PLA2G6: variants seen among roughly 807,000 people sequenced by gnomAD.
PLA2G6 encodes 85/88 kDa calcium-independent phospholipase A2.
Under a neutral mutation model 83.8 loss-of-function variants are expected in PLA2G6, and 62 were observed. That is an observed-to-expected ratio of 0.74 (90% CI 0.60 to 0.91). PLA2G6 has a LOEUF of 0.91. Among genes scored for constraint, PLA2G6 ranks in the 40% least tolerant of loss-of-function variants. The pLI is 0.00. For synonymous variants in PLA2G6, 417 were observed against 449.8 expected (o/e 0.93, Z 0.92); for missense variants, 944 against 1,102.0 (o/e 0.86, Z 2.03).
chr22:38,158,169 T>TC (rs1491260401), intron 2 of PLA2G6, among the ~76,000 whole-genome samples: 1 of 150,988 alleles, frequency 6.6e-6, no homozygotes, highest in Non-Finnish European at 1.5e-5. Context: ...CTTTTTCTTT[T>TC]CTTTTTTTTT....
At chr22:38,177,269 G>A (rs1052763041) in intron 1 of PLA2G6, among the ~76,000 whole-genome samples, 3 of 151,894 alleles carry the variant, frequency 2.0e-5, no homozygotes, top group African/African-American at 7.3e-5. Flanking sequence ...CTGAGCCTCT[G>A]AACCTCCAAG....
rs141825182 is a variant in PLA2G6, at chr22:38,145,447, C to T, written c.416G>A (p.Arg139His). The change falls in exon 3 of 17, where the codon CGT becomes CAT. Residue 139 changes from arginine to histidine, a missense_variant. Transcript: ENST00000332509. ...LGIRECFHHS[R>H]IISCANCAEN... is the part of the protein sequence containing the mutation. ...TTGTTCCCTTGCTCACCTGATGATA[C>T]GGCTGTGATGGAAGCACTCGCGGAT... 5.4e-4 allele frequency: 867 copies of T among 1,606,030 alleles called. 1 individual carries two copies. Among genetic ancestry groups the T allele is most frequent in the Non-Finnish European group, 5.9e-4 (695 of 1,177,098 alleles).
chr22:38,117,528 C>G (rs1247823060), intron 12 of PLA2G6, among the ~76,000 whole-genome samples: 1 of 152,014 alleles, frequency 6.6e-6, no homozygotes, highest in Non-Finnish European at 1.5e-5. Context: ...CAAACTGAAC[C>G]CATCAGAATT....
intron 5 of PLA2G6, chr22:38,136,984 T>G (rs1029613869): frequency 3.1e-4 from 47 of 152,454 alleles, no homozygotes; most frequent in African/African-American, 1.1e-3. Flanking sequence ...GCGATCCTCC[T>G]GCCTCAGCCT....
At position 38,126,416 on chromosome 22, in the gene PLA2G6, C is replaced by T. The variant is rs541466301; in HGVS notation, c.1382G>A (p.Arg461Gln). 12 of 1,613,632 alleles carry T rather than the reference C, an allele frequency of 7.4e-6. No homozygotes were observed. The South Asian group carries it at 7.7e-5, about 10-fold the overall frequency. ...LQDLMHISRA[R>Q]KPAFILGSMR... ...GGAGCCCAGGATGAACGCTGGCTTC[C>T]GGGCCCGTGAGATGTGCATGAGATC... Residue 461 changes from arginine (R) to glutamine (Q), a missense_variant, in exon 10 of 17, where the codon CGG becomes CAG. Transcript: ENST00000332509.
At chr22:38,139,917 C>T (rs2088794154) in intron 5 of PLA2G6, 65 bp downstream of exon 5, 5 of 1,329,834 alleles carry the variant, frequency 3.8e-6, no homozygotes, top group African/African-American at 1.5e-5. Context: ...GCCTCAGGCA[C>T]GGGACAGGTG....
chr22:38,139,759 T>C, intron 5 of PLA2G6: 1 of 567,832 alleles, frequency 1.8e-6, no homozygotes, highest in Non-Finnish European at 3.2e-6. Flanking sequence ...GTCTCCTCCT[T>C]GCACAGCTGA....
At chr22:38,114,359 G>A (rs2087060999) in intron 14 of PLA2G6, among the ~76,000 whole-genome samples, 1 of 152,082 alleles carries the variant, frequency 6.6e-6, no homozygotes, top group Non-Finnish European at 1.5e-5. Context: ...TAATTTTTTT[G>A]TATTTTTAGT....
At chr22:38,115,783 G>T (rs952875012) in intron 13 of PLA2G6, 102 bp from the exon 14 acceptor site, 1 of 1,495,662 alleles carries the variant, frequency 6.7e-7, no homozygotes, top group Non-Finnish European at 8.9e-7. Flanking sequence ...GGGGGTGCGG[G>T]AAGAGGGGAG....
At chr22:38,175,934 A>G (rs1053401220) in intron 1 of PLA2G6, among the ~76,000 whole-genome samples, 4 of 152,214 alleles carry the variant, frequency 2.6e-5, no homozygotes, top group African/African-American at 9.6e-5. Context: ...CCATGGGGCC[A>G]GCACCTCTGA....
rs1398647822 is a variant in PLA2G6, at chr22:38,123,499, G to A, written c.1428-241C>T. 6.6e-6 allele frequency among the ~76,000 whole-genome samples: 1 copy of A among 152,174 alleles called. No homozygotes were observed. The highest frequency in any genetic ancestry group is 1.5e-5 in the Non-Finnish European group (1 of 68,032). ...AAAGGGAAAGGAAGGTCGGGGGATA[G>A]CATCACTGACCAGGCGCCATCCCAG... is the stretch of plus-strand genomic sequence containing the variant. On this transcript the variant is annotated intron_variant, in intron 10 of 16. Transcript: ENST00000332509. This position sits in a 1 kb window ranked among gnomAD's most constrained non-coding sequence, Gnocchi z 4.1.
Position 38,112,128 on chromosome 22 carries a change from G to A in PLA2G6, c.*33C>T. Reference sequence around the variant, plus strand: ...GGCCTGGCAGGGGCTGAATGGACGAGGTCAGCTGGGGCCGGTGAGAGGCTG... The same window carrying A: ...GGCCTGGCAGGGGCTGAATGGACGAAGTCAGCTGGGGCCGGTGAGAGGCTG... On this transcript the variant is annotated 3_prime_UTR_variant, in exon 17 of 17. Transcript: ENST00000332509. 1 of 1,560,552 alleles carries A rather than the reference G, an allele frequency of 6.4e-7. No individual in the cohort carries two copies. Among genetic ancestry groups the A allele is most frequent in the South Asian group, 1.2e-5 (1 of 84,892 alleles).
intron 1 of PLA2G6, among the ~76,000 whole-genome samples, chr22:38,170,873 T>C (rs1387022933): frequency 6.6e-6 from 1 of 151,942 alleles, no homozygotes; most frequent in Non-Finnish European, 1.5e-5. Flanking sequence ...AAAAGATCAA[T>C]ACTAATAATT....
intron 1 of PLA2G6, among the ~76,000 whole-genome samples, chr22:38,180,170 C>CAT (rs2090792027): frequency 6.6e-6 from 1 of 151,180 alleles, no homozygotes; most frequent in South Asian, 2.1e-4. Context: ...CACACACACA[C>CAT]ACACACACAC....
At chr22:38,116,244 C>G in intron 12 of PLA2G6, 33 bp from the exon 13 acceptor site, 1 of 1,612,574 alleles carries the variant, frequency 6.2e-7, no homozygotes, top group Non-Finnish European at 8.5e-7. Context: ...GACGGCTGAG[C>G]CACCCGCCCA....
chr22:38,124,273 C>T (rs1226197081), intron 10 of PLA2G6, among the ~76,000 whole-genome samples: 1 of 152,196 alleles, frequency 6.6e-6, no homozygotes, highest in Non-Finnish European at 1.5e-5. Flanking sequence ...GGACTACAGG[C>T]AGGAGCCACT....
intron 2 of PLA2G6, chr22:38,150,243 C>T (rs549151076): frequency 6.6e-6 from 1 of 152,254 alleles, no homozygotes; most frequent in Non-Finnish European, 1.5e-5. Context: ...CAGAATATGG[C>T]AAAAGTGATG....
intron 2 of PLA2G6, among the ~76,000 whole-genome samples, chr22:38,160,374 G>A (rs1360271493): frequency 1.3e-5 from 2 of 152,244 alleles, no homozygotes; most frequent in East Asian, 3.9e-4. Flanking sequence ...ATGTCTACCA[G>A]AAATGTATGC....
At chr22:38,112,888 CCTCTCTCT>C in intron 15 of PLA2G6, 2 of 452,828 alleles carry the variant, frequency 4.4e-6, no homozygotes, top group Admixed American at 3.6e-5. Flanking sequence ...CTCCCTCCCT[CCTCTCTCT>C]CTCTCTCTCT....
Sources: gnomAD v4.1 joint callset for allele counts (sites outside exome capture counted in the v4.1 genomes callset) on GRCh38, gnomAD v4.1.1 for gene constraint, Gnocchi (gnomAD v3.1) non-coding constraint, MANE v1.5 for transcripts, NCBI Gene and HGNC (gene_info 2026-07-23, HGNC 2026-07-21) for gene names.